Variants in CBFB observed in about 807,000 individuals in gnomAD.
CBFB encodes core-binding factor subunit beta, also known as CBF-beta.
Under a neutral mutation model 30.4 loss-of-function variants are expected in CBFB, and 9 were observed. The ratio of observed to expected loss-of-function variants is 0.30; its 90% CI spans 0.18 to 0.52. The LOEUF is 0.52. Among genes scored for constraint, CBFB ranks in the 20% least tolerant of loss-of-function variants. CBFB has a pLI of 0.97. For missense variants in CBFB, 170 were observed against 244.0 expected (o/e 0.70, Z 2.02); for synonymous variants, 94 against 84.0 (o/e 1.12, Z -0.65).
chr16:67,055,405 C>T (rs1280552969), intron 3 of CBFB, among the ~76,000 whole-genome samples: 8 of 117,340 alleles, frequency 6.8e-5, no homozygotes, highest in Admixed American at 1.2e-4. Flanking sequence ...CTCGCTCTGT[C>T]GCCCAGGCTG....
rs1962183117 is a variant in CBFB at position 67,100,313 on chromosome 16, GTTACTTTCATTGTATA to G, written c.*1537_*1552del. 1 of 222,414 alleles carries G rather than the reference GTTACTTTCATTGTATA, an allele frequency of 4.5e-6. No individual in the cohort carries two copies. Among genetic ancestry groups the G allele is most frequent in the Non-Finnish European group, 9.0e-6 (1 of 111,194 alleles). 13.8% of individuals were successfully genotyped at this position (222,414 alleles called of 1,614,324 possible). On this transcript the variant is annotated 3_prime_UTR_variant, in exon 6 of 6. Coordinates refer to ENST00000412916, the MANE Select transcript of CBFB (RefSeq NM_022845.3). Reference sequence around the variant, plus strand: ...ACTGTACTTGACTGATGAGGGAGGTGTTACTTTCATTGTATATAGGTCTTATTTCATAAACAGATAT... The same window carrying G: ...ACTGTACTTGACTGATGAGGGAGGTGTAGGTCTTATTTCATAAACAGATAT...
chr16:67,051,095 T>A (rs1966730642), intron 3 of CBFB, among the ~76,000 whole-genome samples: 1 of 152,226 alleles, frequency 6.6e-6, no homozygotes, highest in African/African-American at 2.4e-5. Flanking sequence ...AAACTGTGGC[T>A]AAGCGGGGAC....
Position 67,046,061 on chromosome 16 carries a change from G to A in CBFB, c.282+9306G>A, listed in dbSNP as rs530377445. Among the ~76,000 whole-genome samples, 3 of 152,192 alleles carry A rather than the reference G, an allele frequency of 2.0e-5. No individual in the cohort carries two copies. The South Asian group carries it at 6.2e-4, about 32-fold the overall frequency. On this transcript the variant is annotated intron_variant, in intron 3 of 5. Coordinates refer to ENST00000412916, the MANE Select transcript of CBFB (RefSeq NM_022845.3). ...TCCGCCTGTCTTGGCCTCCCAAAGT[G>A]TTGGGATTATAGGCGCTCTGAGCCA...
chr16:67,062,617 C>G (rs1170763441), intron 3 of CBFB, among the ~76,000 whole-genome samples: 1 of 151,524 alleles, frequency 6.6e-6, no homozygotes, highest in East Asian at 2.0e-4. Context: ...CATGGTGAAA[C>G]CCCGTCTCTA....
At chr16:67,084,870 G>A (rs1425940160) in intron 5 of CBFB, among the ~76,000 whole-genome samples, 1 of 152,036 alleles carries the variant, frequency 6.6e-6, no homozygotes, top group Non-Finnish European at 1.5e-5. Flanking sequence ...TGTCAGCTTG[G>A]ACAGCTTACT....
intron 5 of CBFB, among the ~76,000 whole-genome samples, chr16:67,096,674 T>C (rs1261064137): frequency 1.3e-5 from 2 of 151,998 alleles, no homozygotes; most frequent in Non-Finnish European, 2.9e-5. Context: ...TGTTAAATAT[T>C]GTTATAACAA....
At position 67,029,677 on chromosome 16, in the gene CBFB, G is replaced by A. The variant is rs759297992; in HGVS notation, c.79-50G>A. The A allele has an allele frequency of 3.6e-5, 54 of 1,507,552 alleles. No individual in the cohort carries two copies. In the East Asian group the frequency reaches 1.1e-3, roughly 31 times the overall value. 93.4% of individuals were successfully genotyped at this position (1,507,552 alleles called of 1,614,324 possible). On this transcript the variant is annotated intron_variant, in intron 1 of 5. Coordinates refer to ENST00000412916, the MANE Select transcript of CBFB (RefSeq NM_022845.3). The stretch of plus-strand genomic sequence containing the variant: ...CGCTGCGCTGGGAGGGCGGGCGCGC[G>A]GGCGGCGCCGCGGATTTGGCTCCTG...
chr16:67,064,807 A>G (rs898743040), intron 3 of CBFB, among the ~76,000 whole-genome samples: 16 of 152,080 alleles, frequency 1.1e-4, no homozygotes, highest in Non-Finnish European at 2.1e-4. Context: ...ATGGTGCAGA[A>G]ATGGGTTTTT....
chr16:67,068,141 G>T (rs190157347), intron 4 of CBFB, among the ~76,000 whole-genome samples: 2 of 152,154 alleles, frequency 1.3e-5, no homozygotes, highest in South Asian at 2.1e-4. Context: ...ATTGGCTGAC[G>T]GCTGAACTAT....
intron 3 of CBFB, among the ~76,000 whole-genome samples, chr16:67,065,410 T>G (rs747795851): frequency 7.2e-5 from 11 of 152,276 alleles, no homozygotes; most frequent in Non-Finnish European, 1.6e-4. Context: ...TGTAAGTAGA[T>G]ATACTTGTTG....
At chr16:67,071,431 C>T (rs1316325671) in intron 4 of CBFB, among the ~76,000 whole-genome samples, 1 of 152,156 alleles carries the variant, frequency 6.6e-6, no homozygotes, top group African/African-American at 2.4e-5. Context: ...CTGTCTCTCT[C>T]TCTGCCGTAT....
rs1436026630 is a variant in CBFB at position 67,099,666 on chromosome 16, C to T, written c.*888C>T. 3 of 205,206 alleles carry T rather than the reference C, an allele frequency of 1.5e-5. No individual in the cohort carries two copies. The highest frequency in any genetic ancestry group is 3.0e-5 in the Non-Finnish European group (3 of 100,172). 12.7% of individuals were successfully genotyped at this position (205,206 alleles called of 1,614,324 possible). On this transcript the variant is annotated 3_prime_UTR_variant, in exon 6 of 6. Coordinates refer to ENST00000412916, the MANE Select transcript of CBFB (RefSeq NM_022845.3). ...CATAGATGATCTTCTACTGAAATGCCTAAAGAAGTCACAGGCTGGCTTCTG... is the reference window on the plus strand; with the variant it reads ...CATAGATGATCTTCTACTGAAATGCTTAAAGAAGTCACAGGCTGGCTTCTG...
chr16:67,069,612 C>A (rs1254866181), intron 4 of CBFB, among the ~76,000 whole-genome samples: 1 of 152,158 alleles, frequency 6.6e-6, no homozygotes, highest in East Asian at 1.9e-4. Flanking sequence ...AAATATTAAT[C>A]CACATTGTCC....
intron 3 of CBFB, among the ~76,000 whole-genome samples, chr16:67,059,565 T>A (rs1731659326): frequency 6.6e-6 from 1 of 152,166 alleles, no homozygotes; most frequent in African/African-American, 2.4e-5. Flanking sequence ...CCCAAACCCC[T>A]GTAGGTTTTC....
intron 2 of CBFB, among the ~76,000 whole-genome samples, chr16:67,031,081 TA>T (rs1371775991): frequency 6.6e-6 from 1 of 152,240 alleles, no homozygotes; most frequent in Non-Finnish European, 1.5e-5. Flanking sequence ...TTTATTCAGA[TA>T]TAATTCATAT....
intron 5 of CBFB, among the ~76,000 whole-genome samples, chr16:67,091,778 T>C (rs759709902): frequency 5.8e-4 from 88 of 152,326 alleles, no homozygotes; most frequent in Non-Finnish European, 8.8e-4. Flanking sequence ...ATGCGCAGAA[T>C]GTGCAGGTTT....
chr16:67,052,885 TC>T (rs1372887951), intron 3 of CBFB, among the ~76,000 whole-genome samples: 4 of 151,470 alleles, frequency 2.6e-5, no homozygotes, highest in Non-Finnish European at 4.4e-5. Flanking sequence ...ATCCCTTGAG[TC>T]CTGGAAATCA....
At chr16:67,065,384 C>T (rs1029870657) in intron 3 of CBFB, among the ~76,000 whole-genome samples, 12 of 152,158 alleles carry the variant, frequency 7.9e-5, no homozygotes, top group African/African-American at 1.7e-4. Context: ...TACTTATTTT[C>T]GATATTTCTC....
intron 5 of CBFB, among the ~76,000 whole-genome samples, chr16:67,087,417 A>G (rs1182003757): frequency 6.6e-6 from 1 of 151,688 alleles, no homozygotes; most frequent in Non-Finnish European, 1.5e-5. Context: ...CTAGCTAGGC[A>G]TGGTAGCATG....
Sources: gnomAD v4.1 joint callset for allele counts (sites outside exome capture counted in the v4.1 genomes callset) on GRCh38, gnomAD v4.1.1 for gene constraint, MANE v1.5 for transcripts, NCBI Gene and HGNC (gene_info 2026-07-23, HGNC 2026-07-21) for gene names.